The following DYSF variants were observed in gnomAD, a reference collection of about 807,000 sequenced individuals.
DYSF encodes dysferlin.
In DYSF, 212 loss-of-function variants were observed where a neutral mutation model predicts 274.9. The observed-to-expected ratio is 0.77, with a 90% confidence interval of 0.69 to 0.86. The LOEUF (loss-of-function observed/expected upper bound fraction) is 0.86. DYSF is among the 40% of genes least tolerant of loss of function. DYSF has a pLI of 0.00. For missense variants in DYSF, 2,666 were observed against 2,783.2 expected (o/e 0.96, Z 0.95); for synonymous variants, 1,091 against 1,078.7 (o/e 1.01, Z -0.22).
intron 41 of DYSF, among the ~76,000 whole-genome samples, chr2:71,626,209 T>C (rs1282135876): frequency 6.6e-6 from 1 of 151,974 alleles, no homozygotes; most frequent in Non-Finnish European, 1.5e-5. Context: ...AGTATTCTTT[T>C]CTGCTCCTAA....
At chr2:71,464,359 C>G (rs78269822), upstream of DYSF, among the ~76,000 whole-genome samples, 7,804 of 152,286 alleles carry the variant, frequency 0.051, 269 homozygotes, top group Non-Finnish European at 0.076. Context: ...ATGGGGAAGA[C>G]AGAAAACAAT....
At chr2:71,660,675 T>A (rs1404005910) in intron 45 of DYSF, 24 bp downstream of exon 45, 2 of 1,601,770 alleles carry the variant, frequency 1.2e-6, no homozygotes, top group Non-Finnish European at 1.7e-6. Context: ...TCTTGGGTCT[T>A]GGGGTGGAGG....
In DYSF at chr2:71,513,763, G is replaced by A; in HGVS notation, c.601G>A (p.Glu201Lys). Residue 201 changes from glutamate (E) to lysine (K), a missense_variant, in exon 7 of 56, where the codon GAG becomes AAG. Coordinates refer to ENST00000410020, the MANE Select transcript of DYSF (RefSeq NM_001130987.2). ...DTEDQGLTGD[E>K]AEPFLDQSGG... ...AGAGGACCAGGGACTCACTGGAGAT[G>A]AGGCGGAGCCATTCCTGGATCAAAG... The A allele has an allele frequency of 6.2e-7, 1 of 1,614,196 alleles. No individual in the cohort carries two copies. Among genetic ancestry groups the A allele is most frequent in the Non-Finnish European group, 8.5e-7 (1 of 1,180,020 alleles).
At chr2:71,662,472 G>A (rs538566196) in intron 45 of DYSF, among the ~76,000 whole-genome samples, 72 of 150,738 alleles carry the variant, frequency 4.8e-4, no homozygotes, top group African/African-American at 1.2e-3. Flanking sequence ...ACATATGTGC[G>A]TGCGTGTGTA....
At chr2:71,492,705 C>A (rs369003771) in intron 3 of DYSF, among the ~76,000 whole-genome samples, 5 of 139,338 alleles carry the variant, frequency 3.6e-5, no homozygotes, top group East Asian at 2.4e-4. Flanking sequence ...TCCTCCCCCC[C>A]CCCCTTTTCT....
intron 3 of DYSF, among the ~76,000 whole-genome samples, chr2:71,493,056 T>C (rs1008183507): frequency 4.3e-5 from 5 of 116,552 alleles, no homozygotes; most frequent in African/African-American, 1.1e-4. Context: ...TAATTTAATA[T>C]ATATATTTTT....
chr2:71,594,261 C>T (rs1379230073), intron 32 of DYSF, among the ~76,000 whole-genome samples: 4 of 152,114 alleles, frequency 2.6e-5, no homozygotes, highest in Admixed American at 1.3e-4. Context: ...TTTTTAAGCA[C>T]AGCTTTTTGT....
rs184610673 is a variant in DYSF, at chr2:71,570,507, A to G, written c.3086-92A>G. On this transcript the variant is annotated intron_variant, in intron 28 of 55. Coordinates refer to ENST00000410020, the MANE Select transcript of DYSF (RefSeq NM_001130987.2). ...AGGACCGAGAGTCAGTGGCCGCTCA[A>G]GAGTCTGTGACCATGCCCCAAATTC... The G allele has an allele frequency of 1.6e-3, 2,443 of 1,559,564 alleles. 39 individuals are homozygous for G. Among genetic ancestry groups the G allele is most frequent in the Middle Eastern group, 5.3e-3 (26 of 4,890 alleles).
chr2:71,509,554 C>A (rs1425714985), intron 4 of DYSF, among the ~76,000 whole-genome samples: 1 of 152,174 alleles, frequency 6.6e-6, no homozygotes, highest in African/African-American at 2.4e-5. Context: ...GTTATTTTTC[C>A]TGCATTAGTC....
chr2:71,678,625 G>A (rs1251740821), intron 52 of DYSF, among the ~76,000 whole-genome samples: 2 of 152,098 alleles, frequency 1.3e-5, no homozygotes, highest in African/African-American at 4.8e-5. Flanking sequence ...GTACAGCATT[G>A]TGGCTGTAAT....
At chr2:71,586,818 C>T (rs888574362) in intron 30 of DYSF, among the ~76,000 whole-genome samples, 13 of 151,978 alleles carry the variant, frequency 8.6e-5, no homozygotes, top group African/African-American at 2.4e-4. Flanking sequence ...GAGCCGGAGG[C>T]GCCTCCCTCC....
chr2:71,562,046 G>A, intron 23 of DYSF, 102 bp downstream of exon 23: 3 of 1,475,540 alleles, frequency 2.0e-6, no homozygotes, highest in Non-Finnish European at 2.8e-6. Flanking sequence ...ACCCACCCCG[G>A]TTCCATTGCT....
chr2:71,634,302 G>GT (rs1320942985), intron 41 of DYSF, among the ~76,000 whole-genome samples: 2 of 152,192 alleles, frequency 1.3e-5, no homozygotes, highest in Non-Finnish European at 2.9e-5. Flanking sequence ...GCAAAATGAG[G>GT]TAAAAAACAC....
intron 33 of DYSF, among the ~76,000 whole-genome samples, chr2:71,599,880 T>C (rs1448990445): frequency 1.3e-5 from 2 of 152,164 alleles, no homozygotes; most frequent in African/African-American, 2.4e-5. Flanking sequence ...TAAGCTGGCC[T>C]GGGCTGGGGA....
chr2:71,467,301 G>C (rs1376237324), intron 1 of DYSF, among the ~76,000 whole-genome samples: 1 of 152,152 alleles, frequency 6.6e-6, no homozygotes, highest in Non-Finnish European at 1.5e-5. Flanking sequence ...CTGAAAAACG[G>C]GGCGTGTAGA....
chr2:71,596,315 C>T (rs552662122), intron 32 of DYSF, among the ~76,000 whole-genome samples: 14 of 152,260 alleles, frequency 9.2e-5, no homozygotes, highest in South Asian at 2.1e-4. Flanking sequence ...CGTGCACAGC[C>T]GCTACAATGT....
At chr2:71,496,875 G>A (rs182266620) in intron 3 of DYSF, among the ~76,000 whole-genome samples, 2 of 152,208 alleles carry the variant, frequency 1.3e-5, no homozygotes, top group Admixed American at 1.3e-4. Context: ...CACGGATTAA[G>A]CAAACCAATG....
intron 46 of DYSF, 24 bp from the exon 47 acceptor site, chr2:71,665,138 C>A: frequency 6.2e-7 from 1 of 1,613,088 alleles, no homozygotes. Flanking sequence ...AGCATCTCAT[C>A]TATGTCTTGT....
At chr2:71,585,482 G>A (rs921331878) in intron 30 of DYSF, among the ~76,000 whole-genome samples, 9 of 152,186 alleles carry the variant, frequency 5.9e-5, no homozygotes, top group African/African-American at 1.7e-4. Context: ...CTTCCCCAAA[G>A]TTCCCAGATT....
Sources: gnomAD v4.1 joint callset for allele counts (sites outside exome capture counted in the v4.1 genomes callset) on GRCh38, gnomAD v4.1.1 for gene constraint, MANE v1.5 for transcripts, NCBI Gene and HGNC (gene_info 2026-07-23, HGNC 2026-07-21) for gene names.